ECT2L: variants seen among roughly 807,000 people sequenced by gnomAD.
ECT2L encodes epithelial cell transforming 2 like.
A neutral mutation model predicts 122.8 loss-of-function variants in ECT2L; 126 were observed. The observed-to-expected ratio is 1.03, with a 90% CI of 0.89 to 1.19. ECT2L has a LOEUF of 1.19. Ranked by LOEUF, ECT2L falls within the 50% of genes most tolerant of loss-of-function variation. The pLI is 0.00. For missense variants in ECT2L, 1,012 were observed against 1,064.1 expected (o/e 0.95, Z 0.68); for synonymous variants, 385 against 381.8 (o/e 1.01, Z -0.10).
At chr6:138,894,911 T>C (rs1260660838) in intron 20 of ECT2L, among the ~76,000 whole-genome samples, 1 of 152,288 alleles carries the variant, frequency 6.6e-6, no homozygotes, top group East Asian at 1.9e-4. Flanking sequence ...CGACACTGTC[T>C]CAGTGATTAC....
chr6:138,877,653 G>GA (rs1778498318), intron 14 of ECT2L, among the ~76,000 whole-genome samples: 1 of 152,180 alleles, frequency 6.6e-6, no homozygotes, highest in Non-Finnish European at 1.5e-5. Context: ...AAATAAACAA[G>GA]AAGAGTTTGG....
intron 4 of ECT2L, among the ~76,000 whole-genome samples, chr6:138,829,849 A>G (rs898946732): frequency 1.3e-5 from 2 of 151,918 alleles, no homozygotes; most frequent in African/African-American, 2.4e-5. Flanking sequence ...CAGCCTCCAG[A>G]GTAGCTAGGA....
intron 20 of ECT2L, among the ~76,000 whole-genome samples, chr6:138,890,178 T>C (rs1243805850): frequency 6.6e-6 from 1 of 152,200 alleles, no homozygotes; most frequent in Non-Finnish European, 1.5e-5. Context: ...TAAAATTCTA[T>C]TCTCAAACAT....
At chr6:138,807,387 T>A (rs1263814271) in intron 1 of ECT2L, among the ~76,000 whole-genome samples, 2 of 152,210 alleles carry the variant, frequency 1.3e-5, no homozygotes, top group Non-Finnish European at 1.5e-5. Flanking sequence ...TACATCCTAC[T>A]CAGAATTTCT....
At chr6:138,895,602 G>A (rs558934376) in intron 20 of ECT2L, among the ~76,000 whole-genome samples, 3 of 151,966 alleles carry the variant, frequency 2.0e-5, no homozygotes, top group Non-Finnish European at 4.4e-5. Flanking sequence ...ACAGAGTCTC[G>A]TTCTGTTGCC....
At chr6:138,882,687 G>A (rs1449683202) in intron 15 of ECT2L, 37 bp from the exon 16 acceptor site, 1 of 1,608,304 alleles carries the variant, frequency 6.2e-7, no homozygotes, top group Non-Finnish European at 8.5e-7. Flanking sequence ...GTTATCACAA[G>A]TGAATATTTC....
chr6:138,852,155 C>T (rs2128394544), intron 9 of ECT2L, among the ~76,000 whole-genome samples: 1 of 152,286 alleles, frequency 6.6e-6, no homozygotes, highest in East Asian at 1.9e-4. Flanking sequence ...TGGCACACAC[C>T]TCTGTAGTCC....
At chr6:138,820,823 T>C (rs117486387) in intron 4 of ECT2L, among the ~76,000 whole-genome samples, 2,892 of 152,304 alleles carry the variant, frequency 0.019, 38 homozygotes, top group Non-Finnish European at 0.028. Context: ...TGCTTTGAAT[T>C]TGATGTCGGC....
chr6:138,832,453 C>T (rs1776678701), intron 4 of ECT2L, among the ~76,000 whole-genome samples: 1 of 152,116 alleles, frequency 6.6e-6, no homozygotes, highest in Non-Finnish European at 1.5e-5. Flanking sequence ...CTCCAGGAAC[C>T]CCTTGGGTTT....
chr6:138,896,151 G>C (rs1449972488), intron 20 of ECT2L, among the ~76,000 whole-genome samples: 2 of 142,936 alleles, frequency 1.4e-5, no homozygotes, highest in Non-Finnish European at 3.0e-5. Context: ...GGCTGGTCTT[G>C]AATTCCTTGG....
chr6:138,868,817 A>G (rs1374736657), intron 13 of ECT2L, among the ~76,000 whole-genome samples: 2 of 152,222 alleles, frequency 1.3e-5, no homozygotes, highest in East Asian at 3.9e-4. Flanking sequence ...AATAGTGAGG[A>G]GAGGCCAGTC....
intron 12 of ECT2L, among the ~76,000 whole-genome samples, chr6:138,867,655 C>CAAAAAAAAAAAA (rs71009601): frequency 8.7e-6 from 1 of 114,444 alleles, no homozygotes; most frequent in Non-Finnish European, 1.7e-5. Flanking sequence ...CCTAAAACTA[C>CAAAAAAAAAAAA]AAAAAAAAAA....
intron 7 of ECT2L, among the ~76,000 whole-genome samples, chr6:138,844,867 C>T (rs986956465): frequency 2.8e-5 from 4 of 144,324 alleles, no homozygotes; most frequent in East Asian, 2.0e-4. Flanking sequence ...TGGGCTCAAG[C>T]GATCCTCCCG....
chr6:138,827,810 G>A (rs1776504344), intron 4 of ECT2L, among the ~76,000 whole-genome samples: 1 of 152,070 alleles, frequency 6.6e-6, no homozygotes, highest in South Asian at 2.1e-4. Context: ...CACCAGCCTC[G>A]GATTCCCAAA....
intron 4 of ECT2L, among the ~76,000 whole-genome samples, chr6:138,832,795 T>G (rs1233371427): frequency 6.6e-6 from 1 of 152,182 alleles, no homozygotes; most frequent in African/African-American, 2.4e-5. Context: ...TTTTCATTAC[T>G]CTTCCATTTG....
chr6:138,884,467 G>A (rs577593593), intron 16 of ECT2L, among the ~76,000 whole-genome samples: 5 of 151,964 alleles, frequency 3.3e-5, no homozygotes, highest in South Asian at 2.1e-4. Context: ...GTGAAACCCC[G>A]TCTCTACTAA....
At chr6:138,819,880 T>C (rs1370333408) in intron 4 of ECT2L, among the ~76,000 whole-genome samples, 2 of 150,844 alleles carry the variant, frequency 1.3e-5, no homozygotes, top group Admixed American at 1.3e-4. Flanking sequence ...GAGCAAGACT[T>C]CATGTACCAA....
chr6:138,814,583 A>T lies in ECT2L; in HGVS notation c.159A>T (p.Arg53Ser). The T allele has an allele frequency of 6.2e-7, 1 of 1,609,872 alleles. No individual in the cohort carries two copies. Among genetic ancestry groups the T allele is most frequent in the Non-Finnish European group, 8.5e-7 (1 of 1,176,598 alleles). The stretch of plus-strand genomic sequence containing the variant: ...AATTCTTATTCGCAATTTTTTTAAG[A>T]TGCACTAAATCACAATTAAGGTAAA... ...RQEFLFAIFL[R>S]CTKSQLRFVQ... is the part of the protein sequence containing the mutation. Residue 53 changes from arginine to serine, a missense_variant, in exon 4 of 22, where the codon AGA becomes AGT. By Grantham distance (110) the Arg-to-Ser change is moderately radical. Coordinates refer to ENST00000541398, the MANE Select transcript of ECT2L (RefSeq NM_001077706.3).
intron 20 of ECT2L, among the ~76,000 whole-genome samples, chr6:138,895,715 G>A: frequency 6.6e-6 from 1 of 152,106 alleles, no homozygotes; most frequent in African/African-American, 2.4e-5. Flanking sequence ...TGAAGTACAG[G>A]GGCGTGCCAC....
Sources: gnomAD v4.1 joint callset for allele counts (sites outside exome capture counted in the v4.1 genomes callset) on GRCh38, gnomAD v4.1.1 for gene constraint, MANE v1.5 for transcripts, NCBI Gene and HGNC (gene_info 2026-07-23, HGNC 2026-07-21) for gene names.